CADM2: variants seen among roughly 807,000 people sequenced by gnomAD.
CADM2 encodes immunoglobulin superfamily member 4D.
In CADM2, 12 loss-of-function variants were observed where a neutral mutation model predicts 49.8. That is an observed-to-expected ratio of 0.24 (90% CI 0.15 to 0.39). The LOEUF is 0.39. Ranked by LOEUF, CADM2 falls within the 10% of genes least tolerant of loss-of-function variation. CADM2 has a pLI of 1.00. For missense variants in CADM2, 378 were observed against 492.3 expected (o/e 0.77, Z 2.20); for synonymous variants, 214 against 175.4 (o/e 1.22, Z -1.74).
intron 2 of CADM2, among the ~76,000 whole-genome samples, chr3:85,769,731 A>G (rs2069971811): frequency 2.0e-5 from 3 of 149,354 alleles, no homozygotes; most frequent in African/African-American, 4.9e-5. Flanking sequence ...GATACTTCAC[A>G]TATTAAAAAC....
intron 1 of CADM2, among the ~76,000 whole-genome samples, chr3:85,190,575 C>T (rs970202441): frequency 1.3e-5 from 2 of 151,924 alleles, no homozygotes; most frequent in Non-Finnish European, 2.9e-5. Flanking sequence ...ATATTATTCC[C>T]CAAACTCACA....
chr3:86,043,427 A>G (rs1309499265), intron 8 of CADM2, among the ~76,000 whole-genome samples: 3 of 152,230 alleles, frequency 2.0e-5, no homozygotes, highest in Non-Finnish European at 4.4e-5. Flanking sequence ...GCATTCTTAT[A>G]CACCAATAGC....
intron 1 of CADM2, among the ~76,000 whole-genome samples, chr3:85,111,991 A>T (rs951722010): frequency 6.6e-6 from 1 of 151,932 alleles, no homozygotes; most frequent in Non-Finnish European, 1.5e-5. Flanking sequence ...CTATCTAAAA[A>T]ATAAGGGCTA....
intron 1 of CADM2, among the ~76,000 whole-genome samples, chr3:85,704,395 A>G (rs1190388519): frequency 6.6e-6 from 1 of 152,228 alleles, no homozygotes; most frequent in East Asian, 1.9e-4. Context: ...TTAAACAGCA[A>G]ACATTTGTTT....
chr3:85,701,346 G>C (rs1358443546), intron 1 of CADM2, among the ~76,000 whole-genome samples: 2 of 152,172 alleles, frequency 1.3e-5, no homozygotes, highest in African/African-American at 4.8e-5. Context: ...TAGGGACACA[G>C]ATCCAAACCA....
intron 8 of CADM2, among the ~76,000 whole-genome samples, chr3:86,034,962 G>A (rs1379117269): frequency 2.0e-5 from 3 of 151,844 alleles, no homozygotes; most frequent in Non-Finnish European, 4.4e-5. Flanking sequence ...TCACCTAGAT[G>A]ACTTCAAAAG....
At chr3:85,090,035 T>G (rs2037535564) in intron 1 of CADM2, among the ~76,000 whole-genome samples, 1 of 152,104 alleles carries the variant, frequency 6.6e-6, no homozygotes, top group Non-Finnish European at 1.5e-5. Flanking sequence ...ATCTCAAATT[T>G]TTTTCCAGAC....
At chr3:86,048,885 A>C (rs1736992227) in intron 8 of CADM2, among the ~76,000 whole-genome samples, 2 of 152,206 alleles carry the variant, frequency 1.3e-5, no homozygotes, top group Admixed American at 6.5e-5. Flanking sequence ...AACAAAGGCA[A>C]CATTTTACAG....
At chr3:85,176,010 G>A (rs2040776062) in intron 1 of CADM2, among the ~76,000 whole-genome samples, 2 of 137,518 alleles carry the variant, frequency 1.5e-5, no homozygotes, top group South Asian at 4.7e-4. Context: ...CTCACTGCAA[G>A]CTCCGCCTCC....
At chr3:85,334,972 C>T (rs558171426) in intron 1 of CADM2, among the ~76,000 whole-genome samples, 1 of 150,610 alleles carries the variant, frequency 6.6e-6, no homozygotes, top group Non-Finnish European at 1.5e-5. Context: ...TATGAAGTTA[C>T]AAGGTGACAG....
At chr3:85,856,153 G>T (rs1333209080) in intron 3 of CADM2, among the ~76,000 whole-genome samples, 9 of 152,230 alleles carry the variant, frequency 5.9e-5, no homozygotes, top group Admixed American at 2.6e-4. Flanking sequence ...TTCCACTTAG[G>T]TAGATATTAT....
At chr3:85,907,241 A>G (rs1577626838) in intron 5 of CADM2, among the ~76,000 whole-genome samples, 1 of 152,284 alleles carries the variant, frequency 6.6e-6, no homozygotes, top group East Asian at 1.9e-4. Flanking sequence ...GATTCAGACT[A>G]AATTCCTTGA....
chr3:85,182,275 C>G (rs868396105), intron 1 of CADM2, among the ~76,000 whole-genome samples: 5 of 152,012 alleles, frequency 3.3e-5, no homozygotes, highest in Non-Finnish European at 5.9e-5. Context: ...TGGCTCACTT[C>G]TTATAGAATC....
chr3:85,540,506 C>A (rs1045399554), intron 1 of CADM2, among the ~76,000 whole-genome samples: 3 of 152,168 alleles, frequency 2.0e-5, no homozygotes, highest in African/African-American at 7.2e-5. Context: ...TCTGTGCTGA[C>A]ATCCACAACT....
intron 1 of CADM2, among the ~76,000 whole-genome samples, chr3:85,622,546 C>T (rs1285628605): frequency 6.6e-6 from 1 of 152,088 alleles, no homozygotes; most frequent in Non-Finnish European, 1.5e-5. Flanking sequence ...ACAAAATTAA[C>T]ATATGGAATT....
chr3:85,697,069 T>TATATATATATATGCC (rs1214172299), intron 1 of CADM2, among the ~76,000 whole-genome samples: 16 of 55,196 alleles, frequency 2.9e-4, no homozygotes, highest in East Asian at 1.2e-3. Context: ...CTGTCTTAAT[T>TATATATATATATGCC]ATATATATAT....
At chr3:85,587,096 AT>A (rs376154114) in intron 1 of CADM2, among the ~76,000 whole-genome samples, 1 of 152,188 alleles carries the variant, frequency 6.6e-6, no homozygotes, top group East Asian at 1.9e-4. Context: ...TAGCTTTCTA[AT>A]TTGCAAAATG....
chr3:85,573,153 CTTATTTTAT>C (rs2062528758), intron 1 of CADM2, among the ~76,000 whole-genome samples: 1 of 146,660 alleles, frequency 6.8e-6, no homozygotes, highest in South Asian at 2.2e-4. Flanking sequence ...TAAAAACGTG[CTTATTTTAT>C]TTATTTATTT....
intron 1 of CADM2, among the ~76,000 whole-genome samples, chr3:85,484,017 C>G (rs974952449): frequency 1.3e-5 from 2 of 151,478 alleles, no homozygotes; most frequent in East Asian, 3.9e-4. Flanking sequence ...TTTTTTCTTC[C>G]TTCCATTAAA....
Sources: gnomAD v4.1 joint callset for allele counts (sites outside exome capture counted in the v4.1 genomes callset) on GRCh38, gnomAD v4.1.1 for gene constraint, MANE v1.5 for transcripts, NCBI Gene and HGNC (gene_info 2026-07-23, HGNC 2026-07-21) for gene names.